NRXN3: variants seen among roughly 807,000 people sequenced by gnomAD.
NRXN3 encodes the protein neurexin III.
A neutral mutation model predicts 137.6 loss-of-function variants in NRXN3; 32 were observed. The ratio of observed to expected loss-of-function variants is 0.23; its 90% CI spans 0.18 to 0.31. The LOEUF is 0.31. Ranked by LOEUF, NRXN3 falls within the 10% of genes least tolerant of loss-of-function variation. The pLI is 1.00. For synonymous variants in NRXN3, 798 were observed against 784.5 expected, an observed-to-expected ratio of 1.02 and a Z score of -0.29; for missense variants, 1,574 against 2,062.5, an observed-to-expected ratio of 0.76 and a Z score of 4.59.
chr14:78,257,077 T>G (rs972262265), intron 2 of NRXN3, among the ~76,000 whole-genome samples: 1 of 152,218 alleles, frequency 6.6e-6, no homozygotes, highest in Non-Finnish European at 1.5e-5. Context: ...CATGGGGAGA[T>G]ACTCCAGTTA....
At chr14:79,098,312 A>G (rs1281792371) in intron 15 of NRXN3, among the ~76,000 whole-genome samples, 2 of 152,182 alleles carry the variant, frequency 1.3e-5, no homozygotes, top group Non-Finnish European at 2.9e-5. Context: ...TTAAAAATAT[A>G]TGTTTTATTG....
At chr14:79,289,518 G>A (rs2082815541) in intron 15 of NRXN3, among the ~76,000 whole-genome samples, 2 of 152,098 alleles carry the variant, frequency 1.3e-5, no homozygotes, top group Admixed American at 1.3e-4. Context: ...TACTCAGGAG[G>A]CTGAGGCAAG....
At chr14:79,430,793 T>C (rs1472110605) in intron 15 of NRXN3, among the ~76,000 whole-genome samples, 1 of 152,174 alleles carries the variant, frequency 6.6e-6, no homozygotes, top group African/African-American at 2.4e-5. Flanking sequence ...AGGAGATAAT[T>C]TTTGCTTATT....
chr14:78,997,500 C>T (rs2370893), intron 15 of NRXN3, among the ~76,000 whole-genome samples: 29,148 of 152,184 alleles, frequency 0.19, 7,805 homozygotes, highest in African/African-American at 0.6. Flanking sequence ...TATTTTTCAA[C>T]ATGGACATAA....
Position 78,477,998 on chromosome 14 carries a change from C to T in NRXN3, c.758-167122C>T, listed in dbSNP as rs17107723. 0.031 allele frequency among the ~76,000 whole-genome samples: 4,678 copies of T among 152,148 alleles called. 275 individuals are homozygous for T. The East Asian group carries it at 0.31, about 10-fold the overall frequency. On this transcript the variant is annotated intron_variant, in intron 4 of 20. Coordinates refer to ENST00000335750, the MANE Select transcript of NRXN3 (RefSeq NM_001330195.2). ...TAGTTGAGCCAATATGCTTTATGAT[C>T]TGTGAAAATTAGGCTCAACATAGTG... is the stretch of plus-strand genomic sequence containing the variant.
intron 16 of NRXN3, among the ~76,000 whole-genome samples, chr14:79,543,655 G>T (rs1018328899): frequency 6.6e-6 from 1 of 152,176 alleles, no homozygotes; most frequent in African/African-American, 2.4e-5. Flanking sequence ...TGATGCAGAG[G>T]TGAATAAACA....
rs562594481 is a variant in NRXN3 at position 79,671,824 on chromosome 14, G to A, written c.3616+7875G>A. On this transcript the variant is annotated intron_variant, in intron 17 of 20. Transcript: ENST00000335750. ...GCTGATAAGCATTTCAAGGCAAACTGGAGCTTGGACTAATGCTAAAATTAA... is the reference window on the plus strand; with the variant it reads ...GCTGATAAGCATTTCAAGGCAAACTAGAGCTTGGACTAATGCTAAAATTAA... 8.0e-4 allele frequency among the ~76,000 whole-genome samples: 121 copies of A among 151,982 alleles called. 1 individual carries two copies. The highest frequency in any genetic ancestry group is 2.7e-3 in the African/African-American group (111 of 41,460).
At chr14:79,399,808 T>C (rs1421119452) in intron 15 of NRXN3, among the ~76,000 whole-genome samples, 1 of 152,140 alleles carries the variant, frequency 6.6e-6, no homozygotes, top group Non-Finnish European at 1.5e-5. Context: ...TTCGGGAGAA[T>C]AGAAGGCCAA....
chr14:78,641,319 A>G (rs2090705773), intron 4 of NRXN3, among the ~76,000 whole-genome samples: 1 of 152,160 alleles, frequency 6.6e-6, no homozygotes, highest in South Asian at 2.1e-4. Context: ...GGACAAAACA[A>G]TGATTTCTTC....
chr14:79,335,923 A>G (rs2092225361), intron 15 of NRXN3, among the ~76,000 whole-genome samples: 1 of 152,024 alleles, frequency 6.6e-6, no homozygotes, highest in Admixed American at 6.6e-5. Context: ...TTGTGCATGC[A>G]TTATTTCTAC....
intron 2 of NRXN3, among the ~76,000 whole-genome samples, chr14:78,274,882 C>T (rs1243404773): frequency 6.6e-6 from 1 of 152,150 alleles, no homozygotes; most frequent in Non-Finnish European, 1.5e-5. Context: ...CTTTTTCCCC[C>T]TGAATATTTC....
intron 15 of NRXN3, among the ~76,000 whole-genome samples, chr14:79,416,658 A>G (rs979388912): frequency 1.3e-5 from 2 of 152,226 alleles, no homozygotes; most frequent in East Asian, 1.9e-4. Context: ...GTTTGAACCC[A>G]TGCAAAACCT....
chr14:79,068,903 G>A (rs1044640064), intron 15 of NRXN3, among the ~76,000 whole-genome samples: 42 of 152,042 alleles, frequency 2.8e-4, no homozygotes, highest in Non-Finnish European at 5.6e-4. Flanking sequence ...AAGAACAGGG[G>A]AGAAGACAAA....
chr14:79,211,307 A>G (rs567385486), intron 15 of NRXN3, among the ~76,000 whole-genome samples: 3 of 152,318 alleles, frequency 2.0e-5, no homozygotes, highest in South Asian at 4.1e-4. Context: ...GCACTTCACA[A>G]GTGCTCAATG....
intron 16 of NRXN3, among the ~76,000 whole-genome samples, chr14:79,614,006 A>G (rs1342048099): frequency 6.6e-6 from 1 of 152,236 alleles, no homozygotes; most frequent in Non-Finnish European, 1.5e-5. Flanking sequence ...CAAAAGGTCC[A>G]TGCTTTATTT....
At chr14:78,631,166 C>T (rs2097519028) in intron 4 of NRXN3, among the ~76,000 whole-genome samples, 1 of 152,152 alleles carries the variant, frequency 6.6e-6, no homozygotes, top group South Asian at 2.1e-4. Flanking sequence ...TTAACATCCT[C>T]TTAGATCTCA....
intron 19 of NRXN3, among the ~76,000 whole-genome samples, chr14:79,706,633 T>C (rs986867015): frequency 6.6e-6 from 1 of 152,116 alleles, no homozygotes; most frequent in Admixed American, 6.6e-5. Context: ...AGACTCTGCT[T>C]TGAAGCATTG....
chr14:78,623,433 TC>T (rs1193902090), intron 4 of NRXN3, among the ~76,000 whole-genome samples: 1 of 152,232 alleles, frequency 6.6e-6, no homozygotes, highest in Non-Finnish European at 1.5e-5. Context: ...TGTTTTAGCT[TC>T]CATCACTCCC....
rs145829206 is a variant in NRXN3 at position 79,812,536 on chromosome 14, A to T, written c.4093+7346A>T. Among the ~76,000 whole-genome samples, 85 of 152,286 alleles carry T rather than the reference A, an allele frequency of 5.6e-4. 1 individual carries two copies. The East Asian group carries it at 0.015, about 28-fold the overall frequency. On this transcript the variant is annotated intron_variant, in intron 20 of 20. Transcript: ENST00000335750. ...AAGAAAAAAAAAATCACACAAGATG[A>T]TGCCAAGCAGTGACAGATTCAACTA...
Sources: gnomAD v4.1 joint callset for allele counts (sites outside exome capture counted in the v4.1 genomes callset) on GRCh38, gnomAD v4.1.1 for gene constraint, MANE v1.5 for transcripts, NCBI Gene and HGNC (gene_info 2026-07-23, HGNC 2026-07-21) for gene names.